Variants in CHFR observed in about 807,000 individuals in gnomAD.
The protein encoded by CHFR is checkpoint with forkhead and ring finger domains, also known as E3 ubiquitin-protein ligase CHFR.
In CHFR, 57 loss-of-function variants were observed where a neutral mutation model predicts 87.6. That is an observed-to-expected ratio of 0.65 (90% CI 0.53 to 0.81). The LOEUF (loss-of-function observed/expected upper bound fraction) is 0.81. Among genes scored for constraint, CHFR ranks in the 30% least tolerant of loss-of-function variants. The probability of loss-of-function intolerance (pLI) is 0.00; values close to 1 mark genes in which losing one functional copy is unlikely to be tolerated. For missense variants in CHFR, 797 were observed against 865.8 expected (o/e 0.92, Z 1.00); for synonymous variants, 381 against 359.2 (o/e 1.06, Z -0.69).
intron 2 of CHFR, among the ~76,000 whole-genome samples, chr12:132,886,339 C>A (rs75067639): frequency 0.036 from 5,307 of 148,134 alleles, 315 homozygotes; most frequent in African/African-American, 0.12. Context: ...ACAAAAAAAA[C>A]CAGGTGCAAG....
rs1442448486 is a variant in CHFR at position 132,835,735 on chromosome 12, G to T, written c.*5819C>A. 3 of 256,426 alleles carry T rather than the reference G, an allele frequency of 1.2e-5. No homozygotes were observed. The highest frequency in any genetic ancestry group is 2.3e-5 in the Non-Finnish European group (3 of 129,216). 15.9% of individuals were successfully genotyped at this position (256,426 alleles called of 1,614,324 possible). On this transcript the variant is annotated 3_prime_UTR_variant, in exon 18 of 18. Transcript: ENST00000450056. ...GCCTGTTCTGCGGCGTTTTGATCCA[G>T]CGGCCCAAGTGGACCCACATTCAAG...
At chr12:132,881,306 A>G (rs923774341) in intron 2 of CHFR, among the ~76,000 whole-genome samples, 2 of 152,250 alleles carry the variant, frequency 1.3e-5, no homozygotes, top group Non-Finnish European at 2.9e-5. Flanking sequence ...TTGTTTAAAA[A>G]GATGAAAAGA....
Position 132,887,229 on chromosome 12 carries a change from T to A in CHFR, c.100A>T (p.Arg34Trp). The change falls in exon 2 of 18, where the codon AGG becomes TGG. Residue 34 changes from arginine to tryptophan, a missense_variant. Coordinates refer to ENST00000450056, the MANE Select transcript of CHFR (RefSeq NM_001161346.2). ...CGCCCGATGGTCCACTCCCGCTTCC[T>A]CAGGAGGACGTGCGGCTCGCCCTCC... ...AEEGEPHVLL[R>W]KREWTIGRRR... 6.7e-7 allele frequency: 1 copy of A among 1,502,894 alleles called. No individual in the cohort carries two copies. The highest frequency in any genetic ancestry group is 1.2e-5 in the South Asian group (1 of 81,130). The allele number at this position is 1,502,894 out of a possible 1,614,324, so 93.1% of individuals were successfully genotyped here.
intron 15 of CHFR, among the ~76,000 whole-genome samples, chr12:132,846,291 C>T (rs1355280030): frequency 7.4e-6 from 1 of 134,716 alleles, no homozygotes; most frequent in Non-Finnish European, 1.6e-5. Context: ...GAGACGGAGT[C>T]TCGCTCTGTC....
chr12:132,887,176 C>G lies in CHFR; in HGVS notation c.133+20G>C, dbSNP rs1303189294. The G allele has an allele frequency of 2.0e-6, 3 of 1,470,676 alleles. No individual in the cohort carries two copies. The highest frequency in any genetic ancestry group is 2.4e-5 in the Admixed American group (1 of 41,858). 91.1% of individuals were successfully genotyped at this position (1,470,676 alleles called of 1,614,324 possible). On this transcript the variant is annotated intron_variant, in intron 2 of 17. Transcript: ENST00000450056. ...GGCTCTGCCCGGCCCCGGCCCCCGG[C>G]CCCGGCCTCAGCCCCGCACCTCGTC...
At position 132,841,207 on chromosome 12, in the gene CHFR, A is replaced by T; in HGVS notation, c.*347T>A. 4.5e-6 allele frequency: 1 copy of T among 221,348 alleles called. No homozygotes were observed. Among genetic ancestry groups the T allele is most frequent in the Non-Finnish European group, 8.9e-6 (1 of 112,258 alleles). The allele number at this position is 221,348 out of a possible 1,614,324, so 13.7% of individuals were successfully genotyped here. The stretch of plus-strand genomic sequence containing the variant: ...TTCTCCCTTGAAACTTTTCCTAAAA[A>T]CAGACTTCTGCTTTAACTGTAGTTT... On this transcript the variant is annotated 3_prime_UTR_variant, in exon 18 of 18. Coordinates refer to ENST00000450056, the MANE Select transcript of CHFR (RefSeq NM_001161346.2).
rs368066324 is a variant in CHFR at position 132,860,903 on chromosome 12, C to G, written c.751+564G>C. ...AAGTAGCTGGGATTACAGGCATGCA[C>G]CACCACACCCAGCTAATTTTTGCAT... On this transcript the variant is annotated intron_variant, in intron 7 of 17. Coordinates refer to ENST00000450056, the MANE Select transcript of CHFR (RefSeq NM_001161346.2). 2.0e-5 allele frequency among the ~76,000 whole-genome samples: 3 copies of G among 152,296 alleles called. No homozygotes were observed. The South Asian group carries it at 6.2e-4, about 32-fold the overall frequency.
intron 7 of CHFR, among the ~76,000 whole-genome samples, chr12:132,860,587 C>A (rs1460574092): frequency 1.3e-5 from 2 of 152,228 alleles, no homozygotes; most frequent in African/African-American, 2.4e-5. Flanking sequence ...TGGCTGCTCT[C>A]TGGACTGCTA....
intron 8 of CHFR, among the ~76,000 whole-genome samples, chr12:132,858,412 T>A: frequency 6.7e-6 from 1 of 148,734 alleles, no homozygotes; most frequent in Admixed American, 6.7e-5. Flanking sequence ...GGCGAAACCG[T>A]CTCTACAAAA....
intron 15 of CHFR, among the ~76,000 whole-genome samples, chr12:132,846,013 T>C (rs1331915311): frequency 6.6e-6 from 1 of 152,198 alleles, no homozygotes. Flanking sequence ...GGGCAGCCTT[T>C]ACTCACTAGA....
At chr12:132,874,103 G>A (rs554447832) in intron 3 of CHFR, among the ~76,000 whole-genome samples, 1 of 152,380 alleles carries the variant, frequency 6.6e-6, no homozygotes, top group East Asian at 1.9e-4. Flanking sequence ...GCCTCCAGAA[G>A]AAACCAGCCC....
intron 5 of CHFR, among the ~76,000 whole-genome samples, chr12:132,870,424 G>A (rs112952410): frequency 2.6e-5 from 4 of 151,736 alleles, no homozygotes; most frequent in African/African-American, 9.7e-5. Context: ...CCAGCTACTC[G>A]GGAGGCTGAG....
At position 132,838,129 on chromosome 12, in the gene CHFR, C is replaced by T. The variant is rs1950662021; in HGVS notation, c.*3425G>A. On this transcript the variant is annotated 3_prime_UTR_variant, in exon 18 of 18. Transcript: ENST00000450056. ...CTTGCTGGCGGAAGCCCCTTCCAAA[C>T]TCAGCTGCCTCTCTGCCTTGGCCAC... The T allele has an allele frequency of 6.6e-6, 1 of 152,606 alleles. No individual in the cohort carries two copies. The highest frequency in any genetic ancestry group is 2.1e-4 in the South Asian group (1 of 4,838). 9.5% of individuals were successfully genotyped at this position (152,606 alleles called of 1,614,324 possible). A position where few individuals can be genotyped will look rare whatever the true frequency, so the allele number is the denominator to read the frequency against.
Position 132,869,705 on chromosome 12 carries a change from G to C in CHFR, c.497C>G (p.Ser166Ter). 6.4e-7 allele frequency: 1 copy of C among 1,551,710 alleles called. No homozygotes were observed. The highest frequency in any genetic ancestry group is 8.7e-7 in the Non-Finnish European group (1 of 1,147,006). The stretch of plus-strand genomic sequence containing the variant: ...GGGGAAGAGGTCTGACGTCGATGTT[G>C]ATGGCTGTGGTTCCTCAAAGCACAC... ...TQVCFEEPQPSTSTSDLFPTA... is the reference protein window; with the variant it reads ...TQVCFEEPQP The change falls in exon 6 of 18, where the codon TCA (serine) becomes TGA (stop). Residue 166 changes from serine to a stop codon, truncating the protein, a stop_gained. Transcript: ENST00000450056. LOFTEE classifies it high-confidence loss of function.
intron 2 of CHFR, among the ~76,000 whole-genome samples, chr12:132,882,269 C>T (rs796185244): frequency 1.7e-4 from 26 of 152,236 alleles, no homozygotes; most frequent in African/African-American, 6.0e-4. Context: ...AGAAGCCAGG[C>T]GCAGAAGATG....
intron 6 of CHFR, among the ~76,000 whole-genome samples, 195 bp downstream of exon 6, chr12:132,869,424 C>G (rs1951434027): frequency 6.6e-6 from 1 of 152,116 alleles, no homozygotes; most frequent in Non-Finnish European, 1.5e-5. Flanking sequence ...CACAATGGTA[C>G]TAGAGTCCCT....
chr12:132,878,369 T>C (rs1158247100), intron 2 of CHFR, among the ~76,000 whole-genome samples: 1 of 150,884 alleles, frequency 6.6e-6, no homozygotes, highest in Non-Finnish European at 1.5e-5. Flanking sequence ...CTTGGGAGGC[T>C]GAGGCAGGAG....
chr12:132,887,437 GC>G, intron 1 of CHFR, 97 bp from the exon 2 acceptor site: 1 of 939,126 alleles, frequency 1.1e-6, no homozygotes. Context: ...GGCCGCCCGC[GC>G]CCACGCAGCC....
intron 3 of CHFR, among the ~76,000 whole-genome samples, chr12:132,873,914 C>A (rs1248026115): frequency 2.6e-5 from 4 of 152,230 alleles, no homozygotes; most frequent in Non-Finnish European, 5.9e-5. Flanking sequence ...AAAGCCCAAG[C>A]TCCCTTGTGT....
Sources: gnomAD v4.1 joint callset for allele counts (sites outside exome capture counted in the v4.1 genomes callset) on GRCh38, gnomAD v4.1.1 for gene constraint, MANE v1.5 for transcripts, NCBI Gene and HGNC (gene_info 2026-07-23, HGNC 2026-07-21) for gene names.